Variants in SH3D19 observed in about 807,000 individuals in gnomAD.
SH3D19 encodes SH3 domain-containing protein 19.
A neutral mutation model predicts 112.1 loss-of-function variants in SH3D19; 58 were observed. The ratio of observed to expected loss-of-function variants is 0.52; its 90% confidence interval spans 0.42 to 0.64. The LOEUF is 0.64. Among genes scored for constraint, SH3D19 ranks in the 30% least tolerant of loss-of-function variants. The pLI is 0.00. For synonymous variants in SH3D19, 391 were observed against 448.5 expected, an observed-to-expected ratio of 0.87 and a Z score of 1.62; for missense variants, 1,090 against 1,263.4, an observed-to-expected ratio of 0.86 and a Z score of 2.08.
chr4:151,278,807 A>G (rs905740637), intron 1 of SH3D19, among the ~76,000 whole-genome samples: 1 of 151,922 alleles, frequency 6.6e-6, no homozygotes, highest in South Asian at 2.1e-4. Context: ...ATTTCTTTAT[A>G]TTTTTTGTAG....
chr4:151,281,170 T>C (rs115158219), intron 1 of SH3D19, among the ~76,000 whole-genome samples: 26 of 152,290 alleles, frequency 1.7e-4, no homozygotes, highest in African/African-American at 5.3e-4. Context: ...AAAAAAAAGA[T>C]AGTATTGATA....
At chr4:151,212,823 C>T (rs985576804) in intron 2 of SH3D19, among the ~76,000 whole-genome samples, 2 of 152,168 alleles carry the variant, frequency 1.3e-5, no homozygotes, top group Non-Finnish European at 2.9e-5. Flanking sequence ...CTCTGATGAA[C>T]TGGGGCAAAG....
chr4:151,277,228 A>AGC, intron 1 of SH3D19: 1 of 1,504,410 alleles, frequency 6.6e-7, no homozygotes, highest in Non-Finnish European at 9.0e-7. Context: ...ATCTCAGGTG[A>AGC]GCGCCAGGGT....
chr4:151,175,026 C>G lies in SH3D19; in HGVS notation c.1178G>C (p.Arg393Pro), dbSNP rs888836773. 3 of 1,614,056 alleles carry G rather than the reference C, an allele frequency of 1.9e-6. No homozygotes were observed. The highest frequency in any genetic ancestry group is 2.5e-6 in the Non-Finnish European group (3 of 1,180,032). ...LPKKPNPGLI[R>P]SVNPEIPGRG... ...TCCCGGAATCTCAGGATTAACACTTCGTATAAGGCCAGGGTTTGGTTTCTT... is the reference window on the plus strand; with the variant it reads ...TCCCGGAATCTCAGGATTAACACTTGGTATAAGGCCAGGGTTTGGTTTCTT... The change falls in exon 7 of 20, where the codon CGA becomes CCA. Residue 393 changes from arginine (R) to proline (P), a missense_variant. Transcript: ENST00000604030.
chr4:151,244,305 T>C (rs6535778), intron 1 of SH3D19, among the ~76,000 whole-genome samples: 132,447 of 152,166 alleles, frequency 0.87, 58,568 homozygotes, highest in Non-Finnish European at 0.97. Context: ...TATCTTAGTA[T>C]ATGAATTTGG....
chr4:151,296,044 AAAAGAAAG>A (rs1336742772), intron 1 of SH3D19, among the ~76,000 whole-genome samples: 2 of 150,844 alleles, frequency 1.3e-5, no homozygotes, highest in South Asian at 2.1e-4. Context: ...CAAAAAAAAA[AAAAGAAAG>A]AAAGAAAGAA....
intron 7 of SH3D19, 81 bp from the exon 8 acceptor site, chr4:151,165,777 A>T: frequency 8.4e-7 from 1 of 1,188,280 alleles, no homozygotes; most frequent in Non-Finnish European, 1.2e-6. Flanking sequence ...TTTAAGAGTC[A>T]TATTTTTCAT....
chr4:151,263,574 G>A (rs1031816426), intron 1 of SH3D19, among the ~76,000 whole-genome samples: 1 of 152,194 alleles, frequency 6.6e-6, no homozygotes, highest in African/African-American at 2.4e-5. Flanking sequence ...TAGCTGGTTA[G>A]TTATGGTTTA....
At chr4:151,150,934 G>A (rs1754942572) in intron 9 of SH3D19, among the ~76,000 whole-genome samples, 1 of 151,438 alleles carries the variant, frequency 6.6e-6, no homozygotes, top group South Asian at 2.1e-4. Context: ...GTTTTTTGGA[G>A]GGGGAAAAAG....
At chr4:151,128,110 A>C in intron 18 of SH3D19, 60 bp downstream of exon 18, 3 of 1,387,934 alleles carry the variant, frequency 2.2e-6, no homozygotes, top group Non-Finnish European at 2.9e-6. Context: ...GAATGTATAT[A>C]GTTTTGAAGG....
chr4:151,239,656 CAT>C (rs1431399344), intron 1 of SH3D19, among the ~76,000 whole-genome samples: 1 of 152,050 alleles, frequency 6.6e-6, no homozygotes, highest in Non-Finnish European at 1.5e-5. Context: ...GTGGAACAGA[CAT>C]AGATAAATGT....
chr4:151,273,074 T>C (rs1257485341), intron 1 of SH3D19, among the ~76,000 whole-genome samples: 1 of 152,208 alleles, frequency 6.6e-6, no homozygotes, highest in Non-Finnish European at 1.5e-5. Flanking sequence ...AGGATAACTA[T>C]TTAATTCTTT....
chr4:151,143,101 G>T (rs913495255), intron 12 of SH3D19, among the ~76,000 whole-genome samples: 1 of 152,042 alleles, frequency 6.6e-6, no homozygotes, highest in African/African-American at 2.4e-5. Flanking sequence ...GCCAGGCATG[G>T]TGGTGCACGC....
At chr4:151,165,405 G>A (rs748447179) in intron 8 of SH3D19, among the ~76,000 whole-genome samples, 184 bp downstream of exon 8, 1 of 152,134 alleles carries the variant, frequency 6.6e-6, no homozygotes, top group African/African-American at 2.4e-5. Flanking sequence ...AAGCGAAGGG[G>A]AAAGGGAAAT....
At position 151,319,814 on chromosome 4, in the gene SH3D19, T is replaced by G. The variant is rs188626363; in HGVS notation, c.112+5427A>C. On this transcript the variant is annotated intron_variant, in intron 1 of 19. Transcript: ENST00000604030. ...TAAATAGAAAAGCACCACATAAATG[T>G]AAAGTACTTCTAGAATACAGCAAGC... Among the ~76,000 whole-genome samples the G allele has an allele frequency of 3.3e-5, 5 of 152,276 alleles. No individual in the cohort carries two copies. In the East Asian group the frequency reaches 5.8e-4, roughly 18 times the overall value.
chr4:151,308,171 G>A (rs190425333), intron 1 of SH3D19, among the ~76,000 whole-genome samples: 2 of 152,290 alleles, frequency 1.3e-5, no homozygotes, highest in East Asian at 3.9e-4. Flanking sequence ...CTCCCAAAGT[G>A]CTGGGATTAC....
intron 19 of SH3D19, among the ~76,000 whole-genome samples, chr4:151,123,734 T>A (rs1406541707): frequency 6.6e-6 from 1 of 152,234 alleles, no homozygotes; most frequent in Non-Finnish European, 1.5e-5. Flanking sequence ...ATAACTATTT[T>A]GTTCTTTATA....
At chr4:151,136,828 C>T (rs1224117678) in intron 14 of SH3D19, among the ~76,000 whole-genome samples, 3 of 152,170 alleles carry the variant, frequency 2.0e-5, no homozygotes, top group Admixed American at 2.0e-4. Context: ...ATACACTGGA[C>T]AATGTTTAAT....
At chr4:151,130,915 G>A (rs572174841) in intron 17 of SH3D19, among the ~76,000 whole-genome samples, 1 of 151,704 alleles carries the variant, frequency 6.6e-6, no homozygotes, top group Non-Finnish European at 1.5e-5. Flanking sequence ...ACTCCAGCCT[G>A]GGCGACGGAG....
Sources: gnomAD v4.1 joint callset for allele counts (sites outside exome capture counted in the v4.1 genomes callset) on GRCh38, gnomAD v4.1.1 for gene constraint, MANE v1.5 for transcripts, NCBI Gene and HGNC (gene_info 2026-07-23, HGNC 2026-07-21) for gene names.